LAMA2: variants seen among roughly 807,000 people sequenced by gnomAD.
The protein encoded by LAMA2 is laminin subunit alpha-2.
A neutral mutation model predicts 364.8 loss-of-function variants in LAMA2; 269 were observed. The ratio of observed to expected loss-of-function variants is 0.74; its 90% confidence interval spans 0.67 to 0.82. The LOEUF is 0.82. LAMA2 is among the 40% of genes least tolerant of loss of function. LAMA2 has a pLI of 0.00. For synonymous variants in LAMA2, 1,379 were observed against 1,370.6 expected (o/e 1.01, Z -0.14); for missense variants, 3,807 against 3,873.2 (o/e 0.98, Z 0.45).
chr6:128,930,400 C>T (rs1006664158), intron 1 of LAMA2, among the ~76,000 whole-genome samples: 29 of 152,182 alleles, frequency 1.9e-4, no homozygotes, highest in African/African-American at 6.3e-4. Context: ...TAGGCATAGA[C>T]ACCGTCAATG....
At chr6:129,115,886 A>G (rs764302256) in intron 4 of LAMA2, among the ~76,000 whole-genome samples, 6 of 152,192 alleles carry the variant, frequency 3.9e-5, no homozygotes, top group Admixed American at 6.6e-5. Flanking sequence ...TGCAGATGTA[A>G]TAAATGACAG....
intron 40 of LAMA2, among the ~76,000 whole-genome samples, chr6:129,418,994 A>G (rs1780937685): frequency 6.6e-6 from 1 of 151,976 alleles, no homozygotes; most frequent in South Asian, 2.1e-4. Context: ...CATACTGGTC[A>G]TTTTTCTGTG....
chr6:129,297,638 G>A lies in LAMA2; in HGVS notation c.2857-47G>A, dbSNP rs762916346. 2.4e-5 allele frequency: 38 copies of A among 1,573,440 alleles called. No homozygotes were observed. The highest frequency in any genetic ancestry group is 4.5e-5 in the East Asian group (2 of 44,646). On this transcript the variant is annotated intron_variant, in intron 20 of 64. Coordinates refer to ENST00000421865, the MANE Select transcript of LAMA2 (RefSeq NM_000426.4). Reference sequence around the variant, plus strand: ...GGTATTGTGCATCTTGCTTCACTTCGAGTTAACTGATTTAAATTTAATTTT... The same window carrying A: ...GGTATTGTGCATCTTGCTTCACTTCAAGTTAACTGATTTAAATTTAATTTT...
chr6:129,177,893 C>T (rs961747081), intron 10 of LAMA2, 27 bp downstream of exon 10: 3 of 1,606,180 alleles, frequency 1.9e-6, no homozygotes, highest in African/African-American at 2.7e-5. Flanking sequence ...AGTAATGTCC[C>T]ACTGTCAAGA....
chr6:128,932,240 T>G (rs956851035), intron 1 of LAMA2, among the ~76,000 whole-genome samples: 1 of 152,210 alleles, frequency 6.6e-6, no homozygotes, highest in Non-Finnish European at 1.5e-5. Context: ...AGTGGAGCTC[T>G]GGGTCATTGA....
intron 30 of LAMA2, among the ~76,000 whole-genome samples, chr6:129,345,806 T>C (rs575280338): frequency 6.6e-6 from 1 of 152,296 alleles, no homozygotes; most frequent in East Asian, 1.9e-4. Context: ...GAGTCACTTA[T>C]ATCACCATCT....
intron 35 of LAMA2, among the ~76,000 whole-genome samples, chr6:129,383,449 A>G (rs1264752456): frequency 6.6e-6 from 1 of 152,206 alleles, no homozygotes; most frequent in Non-Finnish European, 1.5e-5. Context: ...ATTAGCGACA[A>G]TGAGGGCAGA....
intron 1 of LAMA2, among the ~76,000 whole-genome samples, chr6:128,896,766 A>G (rs570401867): frequency 8.4e-4 from 128 of 152,324 alleles, no homozygotes; most frequent in Middle Eastern, 6.8e-3. Context: ...TTTGGATAAA[A>G]CATTGCCCTC....
chr6:129,013,610 C>G (rs2114700183), intron 1 of LAMA2, among the ~76,000 whole-genome samples: 1 of 152,208 alleles, frequency 6.6e-6, no homozygotes, highest in African/African-American at 2.4e-5. Flanking sequence ...GAAATGTCAT[C>G]AAGGTGGACA....
intron 34 of LAMA2, among the ~76,000 whole-genome samples, 181 bp from the exon 35 acceptor site, chr6:129,382,941 G>A (rs1453228642): frequency 6.6e-6 from 1 of 152,218 alleles, no homozygotes; most frequent in Non-Finnish European, 1.5e-5. Context: ...AATGGAAGAA[G>A]TAATAAAGTT....
At chr6:129,267,884 C>G (rs917716401) in intron 16 of LAMA2, among the ~76,000 whole-genome samples, 11 of 152,064 alleles carry the variant, frequency 7.2e-5, no homozygotes, top group Non-Finnish European at 1.6e-4. Flanking sequence ...CTGATTAACT[C>G]AAGGGCACAT....
chr6:129,080,077 A>G (rs9375615), intron 3 of LAMA2, among the ~76,000 whole-genome samples: 144,548 of 152,214 alleles, frequency 0.95, 68,700 homozygotes, highest in East Asian at 0.97. Flanking sequence ...TTATCTCCAG[A>G]GAGTTACTAC....
In LAMA2 at chr6:129,098,177, T is replaced by C; in HGVS notation, c.401T>C (p.Phe134Ser). The C allele has an allele frequency of 6.2e-7, 1 of 1,614,064 alleles. No individual in the cohort carries two copies. Among genetic ancestry groups the C allele is most frequent in the Non-Finnish European group, 8.5e-7 (1 of 1,179,974 alleles). The change falls in exon 4 of 65, where the codon TTC becomes TCC. Residue 134 changes from phenylalanine to serine, a missense_variant. By Grantham distance (155) the Phe-to-Ser change is radical. Transcript: ENST00000421865. ...VTITLDLQQV[F>S]QIAYVIVKAA... ...GTTGTTGTTATACTTCCCTAGGTGTTCCAGATCGCGTATGTGATTGTGAAG... is the reference window on the plus strand; with the variant it reads ...GTTGTTGTTATACTTCCCTAGGTGTCCCAGATCGCGTATGTGATTGTGAAG...
intron 1 of LAMA2, among the ~76,000 whole-genome samples, chr6:128,985,314 A>C (rs1783157756): frequency 6.6e-6 from 1 of 152,192 alleles, no homozygotes; most frequent in Admixed American, 6.6e-5. Flanking sequence ...CATGCAGTTT[A>C]AAACTATTCA....
At chr6:129,312,421 C>A (rs937797086) in intron 22 of LAMA2, among the ~76,000 whole-genome samples, 9 of 152,248 alleles carry the variant, frequency 5.9e-5, no homozygotes, top group East Asian at 3.9e-4. Context: ...AATGCTTATT[C>A]TATCATGTTA....
intron 8 of LAMA2, among the ~76,000 whole-genome samples, chr6:129,161,118 A>C (rs1249819746): frequency 6.6e-6 from 1 of 152,090 alleles, no homozygotes; most frequent in Non-Finnish European, 1.5e-5. Context: ...CTTATAAATT[A>C]ATATTTTGAT....
intron 1 of LAMA2, among the ~76,000 whole-genome samples, chr6:128,887,985 G>T (rs1342754597): frequency 6.6e-6 from 1 of 152,200 alleles, no homozygotes; most frequent in Non-Finnish European, 1.5e-5. Context: ...AGATCAGGAA[G>T]AAATTATTGT....
intron 10 of LAMA2, among the ~76,000 whole-genome samples, chr6:129,186,195 TATAG>T (rs915582725): frequency 5.9e-5 from 9 of 151,770 alleles, no homozygotes; most frequent in South Asian, 2.1e-4. Context: ...ACCATTGAAG[TATAG>T]ATAAACAAAA....
intron 51 of LAMA2, among the ~76,000 whole-genome samples, chr6:129,467,295 A>C (rs1783589588): frequency 6.6e-6 from 1 of 151,852 alleles, no homozygotes; most frequent in African/African-American, 2.4e-5. Flanking sequence ...CAAGGCGAGA[A>C]GCTAAACAAT....
Sources: gnomAD v4.1 joint callset for allele counts (sites outside exome capture counted in the v4.1 genomes callset) on GRCh38, gnomAD v4.1.1 for gene constraint, MANE v1.5 for transcripts, NCBI Gene and HGNC (gene_info 2026-07-23, HGNC 2026-07-21) for gene names.